CREB5: variants seen among roughly 807,000 people sequenced by gnomAD.
The protein encoded by CREB5 is cAMP responsive element binding protein 5.
CREB5 carries 19 observed loss-of-function variants against 57.1 expected under a neutral mutation model. That is an observed-to-expected ratio of 0.33 (90% CI 0.23 to 0.49). The LOEUF (loss-of-function observed/expected upper bound fraction) is 0.49. CREB5 is among the 20% of genes least tolerant of loss of function. The pLI is 0.99. For synonymous variants in CREB5, 238 were observed against 238.3 expected (o/e 1.00, Z 0.01); for missense variants, 579 against 671.6 (o/e 0.86, Z 1.52).
intron 5 of CREB5, among the ~76,000 whole-genome samples, chr7:28,601,429 C>G (rs1424406469): frequency 6.6e-6 from 1 of 152,084 alleles, no homozygotes; most frequent in Non-Finnish European, 1.5e-5. Context: ...AGAAGCAGCC[C>G]CTCAGGTTTG....
chr7:28,430,719 A>G (rs1468703067), intron 1 of CREB5, among the ~76,000 whole-genome samples: 1 of 152,204 alleles, frequency 6.6e-6, no homozygotes, highest in African/African-American at 2.4e-5. Flanking sequence ...TTAGTTTGGA[A>G]ACAATTGGAT....
intron 5 of CREB5, among the ~76,000 whole-genome samples, chr7:28,717,674 G>A (rs781372995): frequency 8.5e-5 from 13 of 152,238 alleles, no homozygotes; most frequent in African/African-American, 2.6e-4. Flanking sequence ...CCTCTCCCTC[G>A]TTCTCTCTCT....
chr7:28,802,770 T>C (rs1057461621), intron 7 of CREB5, among the ~76,000 whole-genome samples: 1 of 152,240 alleles, frequency 6.6e-6, no homozygotes, highest in Admixed American at 6.5e-5. Flanking sequence ...GGTTAGCAAA[T>C]GATGGCCCAA....
rs1804287494 is a variant in CREB5 at position 28,740,866 on chromosome 7, A to T, written c.702+16534A>T. Reference sequence around the variant, plus strand: ...TTGTTACTTGATATGTGACTTTAAAATTTTAATTAAATGTAGTTGGATATT... The same window carrying T: ...TTGTTACTTGATATGTGACTTTAAATTTTTAATTAAATGTAGTTGGATATT... On this transcript the variant is annotated intron_variant, in intron 7 of 10. Coordinates refer to ENST00000357727, the MANE Select transcript of CREB5 (RefSeq NM_182898.4). Among the ~76,000 whole-genome samples the T allele has an allele frequency of 2.0e-5, 3 of 152,216 alleles. No individual in the cohort carries two copies. In the South Asian group the frequency reaches 6.2e-4, roughly 32 times the overall value.
chr7:28,560,837 T>TGC lies in CREB5; in HGVS notation c.292-9527_292-9526insCG, dbSNP rs1562797074. 2.7e-4 allele frequency among the ~76,000 whole-genome samples: 25 copies of TGC among 92,224 alleles called. 1 individual carries two copies. Among genetic ancestry groups the TGC allele is most frequent in the African/African-American group, 3.9e-4 (9 of 22,944 alleles). 60.5% of individuals were successfully genotyped at this position (92,224 alleles called of 152,430 possible). A position where few individuals can be genotyped will look rare whatever the true frequency, so the allele number is the denominator to read the frequency against. On this transcript the variant is annotated intron_variant, in intron 4 of 10. Coordinates refer to ENST00000357727, the MANE Select transcript of CREB5 (RefSeq NM_182898.4). Reference sequence around the variant, plus strand: ...GTGTGTGTGTGCGCGCGCGCGCGTGTGTGTGTGCGCGTGTGTGTGTGCGTG... The same window carrying TGC: ...GTGTGTGTGTGCGCGCGCGCGCGTGTGCGTGTGTGCGCGTGTGTGTGTGCGTG...
At chr7:28,473,409 G>A (rs938770751) in intron 1 of CREB5, among the ~76,000 whole-genome samples, 8 of 152,276 alleles carry the variant, frequency 5.3e-5, no homozygotes, top group African/African-American at 1.7e-4. Context: ...TCTCCAAAAT[G>A]TGCTGTTAGT....
chr7:28,363,992 A>G (rs1786537296), intron 1 of CREB5, among the ~76,000 whole-genome samples: 1 of 152,224 alleles, frequency 6.6e-6, no homozygotes, highest in Admixed American at 6.5e-5. Context: ...GGTACATTCT[A>G]GTTAAAATCT....
intron 1 of CREB5, among the ~76,000 whole-genome samples, chr7:28,353,009 G>A (rs1470207559): frequency 6.6e-6 from 1 of 152,120 alleles, no homozygotes; most frequent in Non-Finnish European, 1.5e-5. Flanking sequence ...TGAAAGAAAT[G>A]GGTAAAAATT....
At chr7:28,492,949 T>C (rs1327357169) in intron 2 of CREB5, among the ~76,000 whole-genome samples, 1 of 151,844 alleles carries the variant, frequency 6.6e-6, no homozygotes, top group Non-Finnish European at 1.5e-5. Context: ...CAAAAAATCA[T>C]GTCATATAAA....
chr7:28,644,620 T>C (rs530976999), intron 5 of CREB5, among the ~76,000 whole-genome samples: 3 of 152,288 alleles, frequency 2.0e-5, no homozygotes, highest in African/African-American at 7.2e-5. Flanking sequence ...AAATTTTGAA[T>C]TTCAATTTGA....
chr7:28,633,374 T>A (rs1798279780), intron 5 of CREB5, among the ~76,000 whole-genome samples: 1 of 64,810 alleles, frequency 1.5e-5, no homozygotes, highest in Non-Finnish European at 3.2e-5. Context: ...CATTCATGTG[T>A]GTGTGTGTGT....
chr7:28,313,056 G>A (rs550285938), intron 1 of CREB5, among the ~76,000 whole-genome samples: 43 of 152,330 alleles, frequency 2.8e-4, no homozygotes, highest in Middle Eastern at 3.4e-3. Flanking sequence ...GCAGACATTG[G>A]AGTTACTAAA....
intron 9 of CREB5, among the ~76,000 whole-genome samples, chr7:28,816,900 T>C (rs1436553318): frequency 6.6e-6 from 1 of 152,246 alleles, no homozygotes; most frequent in African/African-American, 2.4e-5. Flanking sequence ...TTGATCACAA[T>C]TTTTAAGTGG....
chr7:28,550,253 G>A (rs191163796), intron 4 of CREB5, among the ~76,000 whole-genome samples: 5 of 150,180 alleles, frequency 3.3e-5, no homozygotes, highest in Admixed American at 6.6e-5. Context: ...TCTTATTAAC[G>A]TTTTCATAGT....
chr7:28,736,878 C>T (rs12700899), intron 7 of CREB5, among the ~76,000 whole-genome samples: 24,762 of 141,596 alleles, frequency 0.17, 2,544 homozygotes, highest in Middle Eastern at 0.28. Flanking sequence ...TGGGTTTTTC[C>T]TGGCCATGTA....
chr7:28,640,075 G>A (rs181150962), intron 5 of CREB5, among the ~76,000 whole-genome samples: 2 of 152,252 alleles, frequency 1.3e-5, no homozygotes, highest in Admixed American at 1.3e-4. Flanking sequence ...GTTAACCTTA[G>A]TTACCTGCTC....
intron 5 of CREB5, among the ~76,000 whole-genome samples, chr7:28,643,751 T>TCGGA (rs5883161): frequency 1.5e-5 from 2 of 133,530 alleles, no homozygotes; most frequent in African/African-American, 5.7e-5. Context: ...GTTTGGGAGG[T>TCGGA]GGGGGGGGGC....
chr7:28,667,325 T>C (rs999745746), intron 5 of CREB5, among the ~76,000 whole-genome samples: 2 of 150,866 alleles, frequency 1.3e-5, no homozygotes, highest in African/African-American at 4.9e-5. Flanking sequence ...GCAAGTTTTG[T>C]TTGGGGCAAT....
chr7:28,402,518 C>G (rs1787490568), intron 1 of CREB5, among the ~76,000 whole-genome samples: 1 of 152,126 alleles, frequency 6.6e-6, no homozygotes, highest in South Asian at 2.1e-4. Flanking sequence ...GAAATAATAC[C>G]ACACATCTAC....
Sources: gnomAD v4.1 joint callset for allele counts (sites outside exome capture counted in the v4.1 genomes callset) on GRCh38, gnomAD v4.1.1 for gene constraint, MANE v1.5 for transcripts, NCBI Gene and HGNC (gene_info 2026-07-23, HGNC 2026-07-21) for gene names.